TECRL: variants seen among roughly 807,000 people sequenced by gnomAD.
The protein encoded by TECRL is trans-2,3-enoyl-CoA reductase-like.
In TECRL, 63 loss-of-function variants were observed where a neutral mutation model predicts 52.8. That is an observed-to-expected ratio of 1.19 (90% confidence interval 0.97 to 1.47). TECRL has a LOEUF of 1.47. TECRL is among the 40% of genes most tolerant of loss of function. The pLI, the probability that TECRL is intolerant of heterozygous loss-of-function variation, is 0.00. For missense variants in TECRL, 482 were observed against 429.6 expected, an observed-to-expected ratio of 1.12 and a Z score of -1.08; for synonymous variants, 164 against 141.9, an observed-to-expected ratio of 1.16 and a Z score of -1.10.
At chr4:64,376,354 T>C (rs1722396194) in intron 1 of TECRL, among the ~76,000 whole-genome samples, 1 of 151,876 alleles carries the variant, frequency 6.6e-6, no homozygotes, top group Non-Finnish European at 1.5e-5. Context: ...ATGCTATTAA[T>C]AGCAAAATGA....
chr4:64,396,892 A>G (rs1331093595), intron 1 of TECRL, among the ~76,000 whole-genome samples: 2 of 152,108 alleles, frequency 1.3e-5, no homozygotes, highest in African/African-American at 4.8e-5. Context: ...TTATTCCAGC[A>G]CTATTAAGTG....
chr4:64,300,355 C>G (rs1034287590), intron 7 of TECRL, among the ~76,000 whole-genome samples: 5 of 150,782 alleles, frequency 3.3e-5, no homozygotes, highest in Non-Finnish European at 6.0e-5. Flanking sequence ...AAATAACTCT[C>G]ATTTTTAATG....
At chr4:64,294,365 A>G (rs1490038427) in intron 8 of TECRL, among the ~76,000 whole-genome samples, 5 of 152,130 alleles carry the variant, frequency 3.3e-5, no homozygotes, top group Non-Finnish European at 7.4e-5. Context: ...AAATGTAGAC[A>G]TTGCTAAAAT....
intron 3 of TECRL, among the ~76,000 whole-genome samples, chr4:64,324,777 T>C (rs1448403450): frequency 6.6e-6 from 1 of 152,076 alleles, no homozygotes; most frequent in Non-Finnish European, 1.5e-5. Flanking sequence ...CATACATATA[T>C]ATACATATAT....
chr4:64,367,574 T>C (rs939245067), intron 2 of TECRL, among the ~76,000 whole-genome samples: 3 of 152,162 alleles, frequency 2.0e-5, no homozygotes, highest in African/African-American at 4.8e-5. Flanking sequence ...ACATTAAATA[T>C]ACAGCGAAAT....
At chr4:64,345,907 C>CAAAAAAAAAAAAAAAAAAAA in intron 2 of TECRL, among the ~76,000 whole-genome samples, 342 of 23,344 alleles carry the variant, frequency 0.015, 158 homozygotes, top group South Asian at 0.018. Flanking sequence ...GCCTCAACAG[C>CAAAAAAAAAAAAAAAAAAAA]AAAAAAAAAA....
At chr4:64,402,020 G>T (rs1187086593) in intron 1 of TECRL, among the ~76,000 whole-genome samples, 1 of 151,970 alleles carries the variant, frequency 6.6e-6, no homozygotes, top group African/African-American at 2.4e-5. Flanking sequence ...GATCATTTTT[G>T]CTATTTTTTT....
chr4:64,280,664 G>T (rs1259450201), intron 11 of TECRL, among the ~76,000 whole-genome samples: 1 of 152,084 alleles, frequency 6.6e-6, no homozygotes, highest in Non-Finnish European at 1.5e-5. Flanking sequence ...GTGTTAAAAT[G>T]CTCAGTATTC....
chr4:64,409,120 T>C lies in TECRL; in HGVS notation c.232A>G (p.Lys78Glu), dbSNP rs1395467237. Residue 78 changes from lysine to glutamate, a missense_variant and splice_region_variant, in exon 1 of 12, where the codon AAG becomes GAG. Physicochemically the swap from Lys to Glu is moderately conservative, Grantham distance 56. Coordinates refer to ENST00000381210, the MANE Select transcript of TECRL (RefSeq NM_001010874.5). ...AATAAATAAATAAATAAACTCACCTTATCCAGAATACATATCTGTTTCCTT... is the reference window on the plus strand; with the variant it reads ...AATAAATAAATAAATAAACTCACCTCATCCAGAATACATATCTGTTTCCTT... The part of the protein sequence containing the change: ...QTRKQICILD[K>E]VTQSSTIHDV... The C allele has an allele frequency of 1.2e-6, 2 of 1,602,192 alleles. No individual in the cohort carries two copies. The highest frequency in any genetic ancestry group is 1.1e-5 in the South Asian group (1 of 89,960).
At chr4:64,328,616 TA>T in intron 2 of TECRL, 60 bp from the exon 3 acceptor site, 1 of 1,435,604 alleles carries the variant, frequency 7.0e-7, no homozygotes, top group Non-Finnish European at 9.7e-7. Context: ...CTTATAAAAC[TA>T]ACTGTTTCCA....
chr4:64,341,854 C>A (rs1348931966), intron 2 of TECRL, among the ~76,000 whole-genome samples: 3 of 152,170 alleles, frequency 2.0e-5, no homozygotes, highest in Admixed American at 6.5e-5. Context: ...AGAGCTAACA[C>A]CCATGCTGGC....
At position 64,298,096 on chromosome 4, in the gene TECRL, T is replaced by G. The variant is rs1723786908; in HGVS notation, c.774+1878A>C. 2.0e-5 allele frequency among the ~76,000 whole-genome samples: 3 copies of G among 151,312 alleles called. No individual in the cohort carries two copies. In the South Asian group the frequency reaches 6.2e-4, roughly 31 times the overall value. On this transcript the variant is annotated intron_variant, in intron 8 of 11. Coordinates refer to ENST00000381210, the MANE Select transcript of TECRL (RefSeq NM_001010874.5). Reference sequence around the variant, plus strand: ...TGCTATGTATAATTAAAAGCACAGGTTTTAATTATATTACTTTCAATATTT... The same window carrying G: ...TGCTATGTATAATTAAAAGCACAGGGTTTAATTATATTACTTTCAATATTT...
chr4:64,406,896 T>C lies in TECRL; in HGVS notation c.234+2222A>G, dbSNP rs375820360. Among the ~76,000 whole-genome samples, 21 of 152,102 alleles carry C rather than the reference T, an allele frequency of 1.4e-4. No homozygotes were observed. In the South Asian group the frequency reaches 1.5e-3, roughly 11 times the overall value. ...CAGGTACAATGAAAGGCACTTAATATGATCTTACTACAAAGTTGTTAATTT... is the reference window on the plus strand; with the variant it reads ...CAGGTACAATGAAAGGCACTTAATACGATCTTACTACAAAGTTGTTAATTT... On this transcript the variant is annotated intron_variant, in intron 1 of 11. Transcript: ENST00000381210.
chr4:64,289,691 A>G lies in TECRL; in HGVS notation c.832+19T>C, dbSNP rs765568455. 33 of 1,501,660 alleles carry G rather than the reference A, an allele frequency of 2.2e-5. No individual in the cohort carries two copies. Among genetic ancestry groups the G allele is most frequent in the Non-Finnish European group, 2.7e-5 (30 of 1,129,602 alleles). The allele number at this position is 1,501,660 out of a possible 1,614,324, so 93.0% of individuals were successfully genotyped here. A position where few individuals can be genotyped will look rare whatever the true frequency, so the allele number is the denominator to read the frequency against. On this transcript the variant is annotated intron_variant, in intron 9 of 11. Coordinates refer to ENST00000381210, the MANE Select transcript of TECRL (RefSeq NM_001010874.5). ...AACATAATTCACTCTAAAGAAAAGAAAAAGAAAAAAGAACTAACCTGTGTG... is the reference window on the plus strand; with the variant it reads ...AACATAATTCACTCTAAAGAAAAGAGAAAGAAAAAAGAACTAACCTGTGTG...
chr4:64,387,938 T>C (rs1723290568), intron 1 of TECRL, among the ~76,000 whole-genome samples: 1 of 151,794 alleles, frequency 6.6e-6, no homozygotes, highest in Admixed American at 6.6e-5. Context: ...CAGATAAGAC[T>C]TTTGCAAATA....
At chr4:64,297,154 A>T (rs1723733025) in intron 8 of TECRL, among the ~76,000 whole-genome samples, 2 of 151,598 alleles carry the variant, frequency 1.3e-5, no homozygotes, top group African/African-American at 4.8e-5. Context: ...TTTGCTTAAT[A>T]TGTTAGAAAA....
chr4:64,408,849 T>C (rs1724904755), intron 1 of TECRL, among the ~76,000 whole-genome samples: 1 of 152,102 alleles, frequency 6.6e-6, no homozygotes. Context: ...TGGACAATGG[T>C]CAATGACAGC....
chr4:64,403,392 C>T (rs554575873), intron 1 of TECRL, among the ~76,000 whole-genome samples: 2 of 151,414 alleles, frequency 1.3e-5, no homozygotes, highest in Non-Finnish European at 2.9e-5. Context: ...TTTCTAACTG[C>T]CTGTCTACTT....
intron 2 of TECRL, among the ~76,000 whole-genome samples, chr4:64,339,862 C>A (rs897934360): frequency 6.6e-6 from 1 of 152,144 alleles, no homozygotes; most frequent in Non-Finnish European, 1.5e-5. Context: ...ACTATTTTCA[C>A]GATCATAAAT....
Sources: gnomAD v4.1 joint callset for allele counts (sites outside exome capture counted in the v4.1 genomes callset) on GRCh38, gnomAD v4.1.1 for gene constraint, MANE v1.5 for transcripts, NCBI Gene and HGNC (gene_info 2026-07-23, HGNC 2026-07-21) for gene names.